Variants in EIF4E observed in about 807,000 individuals in gnomAD.
The protein encoded by EIF4E is eukaryotic translation initiation factor 4E.
For synonymous variants in EIF4E, 71 were observed against 88.5 expected, an observed-to-expected ratio of 0.80 and a Z score of 1.11; for missense variants, 113 against 265.6, an observed-to-expected ratio of 0.43 and a Z score of 3.99.
chr4:98,902,132 G>A (rs920752774), intron 1 of EIF4E, 150 bp from the exon 2 acceptor site: 8 of 638,980 alleles, frequency 1.3e-5, no homozygotes, highest in South Asian at 7.5e-5. Context: ...GCAGTCGTGC[G>A]ATCTTGGCTC....
intron 1 of EIF4E, among the ~76,000 whole-genome samples, chr4:98,907,962 T>A (rs371010583): frequency 6.6e-6 from 1 of 152,204 alleles, no homozygotes; most frequent in South Asian, 2.1e-4. Context: ...CATACTGAAC[T>A]AGACTTCAAA....
rs756224094 is a variant in EIF4E at position 98,901,878 on chromosome 4, G to A, written c.123C>T (p.Asn41=). ...PEHYIKHPLQ[N]RWALWFFKND... ...AACCTAGGTGTTAGAAAGCTTACCT[G>A]TTCTGTAGGGGATGTTTAATATAGT... The change falls in exon 2 of 7, where the codon AAC becomes AAT. Residue 41 remains asparagine (N), a splice_region_variant and synonymous_variant. Coordinates refer to ENST00000450253, the MANE Select transcript of EIF4E (RefSeq NM_001968.5). 2 of 1,611,564 alleles carry A rather than the reference G, an allele frequency of 1.2e-6. No homozygotes were observed. The highest frequency in any genetic ancestry group is 1.7e-6 in the Non-Finnish European group (2 of 1,179,582).
At chr4:98,920,635 C>T (rs928027089) in intron 1 of EIF4E, among the ~76,000 whole-genome samples, 8 of 151,736 alleles carry the variant, frequency 5.3e-5, no homozygotes, top group African/African-American at 1.9e-4. Context: ...ATAGGCTTTA[C>T]CAAATTGCTA....
chr4:98,896,461 C>A (rs1560640056), intron 2 of EIF4E, among the ~76,000 whole-genome samples: 1 of 95,144 alleles, frequency 1.1e-5, no homozygotes, highest in African/African-American at 4.2e-5. Flanking sequence ...ACAGCCTGAG[C>A]AACATAGCAA....
chr4:98,902,672 T>G (rs894969930), intron 1 of EIF4E, among the ~76,000 whole-genome samples: 1 of 152,108 alleles, frequency 6.6e-6, no homozygotes, highest in African/African-American at 2.4e-5. Flanking sequence ...TCAGGAAGGA[T>G]ACAGGATGGA....
intron 1 of EIF4E, among the ~76,000 whole-genome samples, chr4:98,911,610 G>C (rs1328656763): frequency 1.5e-5 from 2 of 131,554 alleles, no homozygotes; most frequent in Non-Finnish European, 3.1e-5. Context: ...GCAGTGAGCT[G>C]AGATCAAGCC....
intron 1 of EIF4E, among the ~76,000 whole-genome samples, chr4:98,919,060 G>C (rs1183974910): frequency 6.6e-6 from 1 of 152,128 alleles, no homozygotes; most frequent in Non-Finnish European, 1.5e-5. Flanking sequence ...TGTAATCCCA[G>C]CACTTTGGGA....
chr4:98,925,726 C>T (rs926706622), intron 1 of EIF4E, among the ~76,000 whole-genome samples: 12 of 152,162 alleles, frequency 7.9e-5, no homozygotes, highest in African/African-American at 2.9e-4. Context: ...AGGAAAAGCC[C>T]ATGGCTCTTT....
At chr4:98,907,232 T>C (rs900727743) in intron 1 of EIF4E, among the ~76,000 whole-genome samples, 1 of 152,230 alleles carries the variant, frequency 6.6e-6, no homozygotes, top group Non-Finnish European at 1.5e-5. Context: ...TAATGATTAA[T>C]GCAATATAAA....
intron 6 of EIF4E, among the ~76,000 whole-genome samples, chr4:98,882,396 C>CAAAAAAAAAAAAA (rs33922454): frequency 2.3e-5 from 2 of 85,212 alleles, no homozygotes; most frequent in Admixed American, 1.3e-4. Context: ...GACTCCGTCT[C>CAAAAAAAAAAAAA]AAAAAAAAAA....
chr4:98,922,330 G>A (rs1725678248), intron 1 of EIF4E, among the ~76,000 whole-genome samples: 1 of 152,104 alleles, frequency 6.6e-6, no homozygotes, highest in Admixed American at 6.6e-5. Flanking sequence ...GGCTGAGGTG[G>A]GCGGATCACG....
intron 1 of EIF4E, among the ~76,000 whole-genome samples, chr4:98,909,185 G>A (rs1183843357): frequency 6.6e-6 from 1 of 152,156 alleles, no homozygotes; most frequent in Non-Finnish European, 1.5e-5. Context: ...CAACTATATA[G>A]TGAGTTTGTA....
chr4:98,902,055 C>A, intron 1 of EIF4E, 73 bp from the exon 2 acceptor site: 1 of 1,407,998 alleles, frequency 7.1e-7, no homozygotes, highest in Admixed American at 1.7e-5. Context: ...CTAACTAAAC[C>A]TGAACTGATA....
chr4:98,910,450 TAA>T (rs1250456385), intron 1 of EIF4E, among the ~76,000 whole-genome samples: 1 of 152,216 alleles, frequency 6.6e-6, no homozygotes. Flanking sequence ...ACTGGATTAC[TAA>T]AGAGTTGTGA....
intron 1 of EIF4E, among the ~76,000 whole-genome samples, chr4:98,923,217 A>C (rs1725728203): frequency 6.6e-6 from 1 of 150,998 alleles, no homozygotes; most frequent in South Asian, 2.1e-4. Flanking sequence ...AAAAAAAAAA[A>C]CCCCTTATAT....
At chr4:98,907,217 A>G (rs11727086) in intron 1 of EIF4E, among the ~76,000 whole-genome samples, 29,004 of 152,178 alleles carry the variant, frequency 0.19, 3,675 homozygotes, top group Non-Finnish European at 0.28. Context: ...TTCCTCCCAG[A>G]ACAATAATGA....
At chr4:98,928,196 G>A (rs1419745611) in intron 1 of EIF4E, among the ~76,000 whole-genome samples, 2 of 152,196 alleles carry the variant, frequency 1.3e-5, no homozygotes, top group African/African-American at 4.8e-5. Context: ...AAGGATGAAT[G>A]AATGGAAGAC....
At chr4:98,884,671 T>C (rs563257828) in intron 6 of EIF4E, among the ~76,000 whole-genome samples, 1 of 152,222 alleles carries the variant, frequency 6.6e-6, no homozygotes, top group East Asian at 1.9e-4. Flanking sequence ...GCCACTGTAC[T>C]ATATATAGCC....
chr4:98,881,819 G>A (rs1459189155), intron 6 of EIF4E, among the ~76,000 whole-genome samples: 1 of 152,134 alleles, frequency 6.6e-6, no homozygotes, highest in Non-Finnish European at 1.5e-5. Context: ...TGACTCTATT[G>A]CAAGAATAAA....
Sources: gnomAD v4.1 joint callset for allele counts (sites outside exome capture counted in the v4.1 genomes callset) on GRCh38, gnomAD v4.1.1 for gene constraint, MANE v1.5 for transcripts, NCBI Gene and HGNC (gene_info 2026-07-23, HGNC 2026-07-21) for gene names.